SDK2: variants seen among roughly 807,000 people sequenced by gnomAD.
The protein encoded by SDK2 is protein sidekick-2.
Under a neutral mutation model 253.9 loss-of-function variants are expected in SDK2, and 105 were observed. The ratio of observed to expected loss-of-function variants is 0.41; its 90% CI spans 0.35 to 0.49. The LOEUF is 0.49. Among genes scored for constraint, SDK2 ranks in the 20% least tolerant of loss-of-function variants. SDK2 has a pLI of 0.06. For missense variants in SDK2, 2,608 were observed against 3,003.0 expected, an observed-to-expected ratio of 0.87 and a Z score of 3.07; for synonymous variants, 1,249 against 1,234.9, an observed-to-expected ratio of 1.01 and a Z score of -0.24.
rs1486014540 is a variant in SDK2 at position 73,447,769 on chromosome 17, C to A, written c.480-21G>T. The A allele has an allele frequency of 6.4e-7, 1 of 1,551,518 alleles. No individual in the cohort carries two copies. The highest frequency in any genetic ancestry group is 2.0e-5 in the Admixed American group (1 of 50,980). ...TGGCTCTGGGAAGAGGAAAAGGATT[C>A]CTCTGACAGGGGCCTAAGGGGCTCT... On this transcript the variant is annotated intron_variant, in intron 4 of 44. Coordinates refer to ENST00000392650, the MANE Select transcript of SDK2 (RefSeq NM_001144952.2). This position sits in a 1 kb window ranked among gnomAD's most constrained non-coding sequence, Gnocchi z 4.0.
At position 73,398,143 on chromosome 17, in the gene SDK2, G is replaced by T. The variant is rs758340614; in HGVS notation, c.3246C>A (p.Pro1082=). 21 of 1,613,390 alleles carry T rather than the reference G, an allele frequency of 1.3e-5. No individual in the cohort carries two copies. The East Asian group carries it at 4.7e-4, about 36-fold the overall frequency. Residue 1082 remains proline (P), a synonymous_variant, in exon 24 of 45, where the codon CCC becomes CCA. Transcript: ENST00000392650. ...TCTGGATCTTTCTAGAAGGCTGACT[G>T]GGGGGGCTGGTGCCCACGATGTTCA... The part of the protein sequence containing the change: ...RQVNIVGTSP[P]SQPSRKIQTL...
intron 1 of SDK2, among the ~76,000 whole-genome samples, chr17:73,567,585 T>C (rs569763303): frequency 3.9e-5 from 6 of 152,176 alleles, no homozygotes; most frequent in Non-Finnish European, 8.8e-5. Flanking sequence ...GGCACCAGAC[T>C]CCAACCCGTT....
At chr17:73,376,647 G>A (rs1874845) in intron 36 of SDK2, among the ~76,000 whole-genome samples, 150,248 of 152,224 alleles carry the variant, frequency 0.99, 74,176 homozygotes, top group East Asian at 1. Context: ...TTGTGCACCT[G>A]CACATTTTCC....
At chr17:73,385,795 G>T in intron 32 of SDK2, 52 bp downstream of exon 32, 1 of 1,517,248 alleles carries the variant, frequency 6.6e-7, no homozygotes, top group South Asian at 1.2e-5. Flanking sequence ...TCCAGTCCCA[G>T]AGCAGAGCTC....
chr17:73,344,860 C>T, intron 44 of SDK2, among the ~76,000 whole-genome samples: 1 of 152,196 alleles, frequency 6.6e-6, no homozygotes, highest in Non-Finnish European at 1.5e-5. Flanking sequence ...CCTGCTCCAG[C>T]CAGCTGCAAA....
intron 2 of SDK2, among the ~76,000 whole-genome samples, chr17:73,499,978 C>G (rs889095100): frequency 6.6e-6 from 1 of 151,498 alleles, no homozygotes; most frequent in Non-Finnish European, 1.5e-5. Context: ...AATAATTATG[C>G]CAGAAGGTGT....
chr17:73,367,741 T>G lies in SDK2; in HGVS notation c.5167+666A>C, dbSNP rs141615125. Among the ~76,000 whole-genome samples, 1,422 of 152,200 alleles carry G rather than the reference T, an allele frequency of 9.3e-3. 28 individuals are homozygous for G. The highest frequency in any genetic ancestry group is 0.033 in the African/African-American group (1,359 of 41,538). On this transcript the variant is annotated intron_variant, in intron 37 of 44. Transcript: ENST00000392650. ...CTGGTCTTAAACTCCTGACCTCAGG[T>G]GATCCACCTGCCTTGGCTTCCCAAA...
chr17:73,623,319 CA>C (rs1418113300), intron 1 of SDK2, among the ~76,000 whole-genome samples: 3 of 152,206 alleles, frequency 2.0e-5, no homozygotes, highest in Non-Finnish European at 1.5e-5. Flanking sequence ...GAGGCTGGGT[CA>C]CTTGTCTAGG....
At chr17:73,582,511 T>A (rs1423446044) in intron 1 of SDK2, among the ~76,000 whole-genome samples, 1 of 152,232 alleles carries the variant, frequency 6.6e-6, no homozygotes, top group Admixed American at 6.5e-5. Flanking sequence ...ATGTTTACTA[T>A]GTGTCACTAT....
At chr17:73,360,938 G>GAAA (rs1262851160) in intron 39 of SDK2, among the ~76,000 whole-genome samples, 1 of 88,782 alleles carries the variant, frequency 1.1e-5, no homozygotes, top group Non-Finnish European at 2.3e-5. Context: ...TCTGTCTCCA[G>GAAA]AAAAAAAAAA....
intron 1 of SDK2, among the ~76,000 whole-genome samples, chr17:73,557,868 C>T (rs2045169030): frequency 6.6e-6 from 1 of 152,188 alleles, no homozygotes. Context: ...CTGCCTGCAG[C>T]CTCTACCAGG....
At position 73,642,587 on chromosome 17, in the gene SDK2, C is replaced by A. The variant is rs1394107307; in HGVS notation, c.64+1438G>T. Among the ~76,000 whole-genome samples the A allele has an allele frequency of 6.6e-6, 1 of 152,174 alleles. No individual in the cohort carries two copies. The highest frequency in any genetic ancestry group is 1.5e-5 in the Non-Finnish European group (1 of 68,038). On this transcript the variant is annotated intron_variant, in intron 1 of 44. Coordinates refer to ENST00000392650, the MANE Select transcript of SDK2 (RefSeq NM_001144952.2). The surrounding 1 kb of genome is among the most constrained non-coding windows in gnomAD (Gnocchi z 4.7). ...AGAGAGGCTCAGAACTCATCTGGTT[C>A]CAGACCTGCCTCTGCCCCCAGATCA...
chr17:73,343,540 C>T (rs1026514116), intron 44 of SDK2, among the ~76,000 whole-genome samples: 1 of 152,204 alleles, frequency 6.6e-6, no homozygotes, highest in Non-Finnish European at 1.5e-5. Flanking sequence ...GGGGGCCTTT[C>T]AGGGGCTGTC....
At chr17:73,377,155 C>T (rs1440103291) in intron 36 of SDK2, among the ~76,000 whole-genome samples, 1 of 150,778 alleles carries the variant, frequency 6.6e-6, no homozygotes, top group Non-Finnish European at 1.5e-5. Context: ...GTGCGGGAGG[C>T]AGACACAGCT....
intron 1 of SDK2, among the ~76,000 whole-genome samples, chr17:73,549,582 A>G (rs2045022273): frequency 6.6e-6 from 1 of 152,036 alleles, no homozygotes; most frequent in Admixed American, 6.5e-5. Context: ...TGGATGGGTC[A>G]GGGAAGGCTT....
Position 73,629,744 on chromosome 17 carries a change from ACTGGG to A in SDK2, c.64+14276_64+14280del, listed in dbSNP as rs1475425521. 6.6e-6 allele frequency among the ~76,000 whole-genome samples: 1 copy of A among 152,028 alleles called. No homozygotes were observed. Among genetic ancestry groups the A allele is most frequent in the African/African-American group, 2.4e-5 (1 of 41,380 alleles). On this transcript the variant is annotated intron_variant, in intron 1 of 44. Coordinates refer to ENST00000392650, the MANE Select transcript of SDK2 (RefSeq NM_001144952.2). The surrounding 1 kb of genome is among the most constrained non-coding windows in gnomAD (Gnocchi z 5.0). ...ATTTGAGGGCAAGGACCTGCCTTAG[ACTGGG>A]CTGGATCCTGGGCACCTCACTTAGT...
chr17:73,393,821 TC>T lies in SDK2; in HGVS notation c.3709-73del, dbSNP rs1170959251. 7.1e-6 allele frequency: 9 copies of T among 1,260,624 alleles called. No individual in the cohort carries two copies. In the Admixed American group the frequency reaches 2.2e-4, roughly 31 times the overall value. 78.1% of individuals were successfully genotyped at this position (1,260,624 alleles called of 1,614,324 possible). On this transcript the variant is annotated intron_variant, in intron 26 of 44. Transcript: ENST00000392650. ...CCATCTACACTTTTCCCGAGTCTCA[TC>T]CCCAGGATGAGCAGCTGTGTGTCAC...
chr17:73,548,848 G>A (rs1294322995), intron 1 of SDK2, among the ~76,000 whole-genome samples: 1 of 152,242 alleles, frequency 6.6e-6, no homozygotes. Flanking sequence ...AGGGCAGCTG[G>A]AAGGTGGCTT....
intron 1 of SDK2, among the ~76,000 whole-genome samples, chr17:73,543,704 C>T (rs2044909222): frequency 2.0e-5 from 3 of 152,252 alleles, no homozygotes; most frequent in Admixed American, 1.3e-4. Context: ...GGCAGGCCAG[C>T]CTCCCACCCT....
Sources: gnomAD v4.1 joint callset for allele counts (sites outside exome capture counted in the v4.1 genomes callset) on GRCh38, gnomAD v4.1.1 for gene constraint, Gnocchi (gnomAD v3.1) non-coding constraint, MANE v1.5 for transcripts, NCBI Gene and HGNC (gene_info 2026-07-23, HGNC 2026-07-21) for gene names.